Variants in NUP54 observed in about 807,000 individuals in gnomAD.
The protein encoded by NUP54 is nucleoporin p54.
NUP54 carries 27 observed loss-of-function variants against 66.4 expected under a neutral mutation model. That is an observed-to-expected ratio of 0.41 (90% CI 0.30 to 0.56). NUP54 has a LOEUF of 0.56. Ranked by LOEUF, NUP54 falls within the 20% of genes least tolerant of loss-of-function variation. The probability of loss-of-function intolerance (pLI) is 0.34; values close to 1 mark genes in which losing one functional copy is unlikely to be tolerated. For missense variants in NUP54, 486 were observed against 596.3 expected (o/e 0.82, Z 1.93); for synonymous variants, 206 against 210.7 (o/e 0.98, Z 0.19).
At chr4:76,126,921 A>G (rs1289299769) in intron 8 of NUP54, among the ~76,000 whole-genome samples, 1 of 152,184 alleles carries the variant, frequency 6.6e-6, no homozygotes, top group African/African-American at 2.4e-5. Flanking sequence ...AAAACTTTGA[A>G]AAGAAGAACC....
intron 1 of NUP54, 66 bp downstream of exon 1, chr4:76,148,242 C>A (rs1444465721): frequency 3.5e-6 from 4 of 1,130,254 alleles, no homozygotes; most frequent in Non-Finnish European, 4.6e-6. Flanking sequence ...CGGAGAGTCT[C>A]GGACAGAGGG....
At position 76,116,810 on chromosome 4, in the gene NUP54, C is replaced by T. The variant is rs113692164; in HGVS notation, c.1395+854G>A. On this transcript the variant is annotated intron_variant, in intron 11 of 11. Coordinates refer to ENST00000264883, the MANE Select transcript of NUP54 (RefSeq NM_017426.4). ...TGCATTTCTAATGACCTTCCAGGTGCGGCTACTACCTACACTTTAAGGAGC... is the reference window on the plus strand; with the variant it reads ...TGCATTTCTAATGACCTTCCAGGTGTGGCTACTACCTACACTTTAAGGAGC... Among the ~76,000 whole-genome samples the T allele has an allele frequency of 3.9e-3, 587 of 152,198 alleles. 5 individuals are homozygous for T. The highest frequency in any genetic ancestry group is 0.014 in the African/African-American group (564 of 41,526).
At chr4:76,120,444 T>TC (rs1230136789) in intron 9 of NUP54, among the ~76,000 whole-genome samples, 2 of 101,706 alleles carry the variant, frequency 2.0e-5, no homozygotes, top group African/African-American at 4.6e-5. Flanking sequence ...TTTTTTTTTT[T>TC]CCCCAGATGG....
At chr4:76,126,494 C>G (rs1406475726) in intron 8 of NUP54, among the ~76,000 whole-genome samples, 1 of 152,116 alleles carries the variant, frequency 6.6e-6, no homozygotes, top group Non-Finnish European at 1.5e-5. Flanking sequence ...ATTACAAAAC[C>G]TAGGCAATCT....
rs1730866947 is a variant in NUP54 at position 76,132,850 on chromosome 4, A to G, written c.711-131T>C. 4.3e-6 allele frequency: 3 copies of G among 704,148 alleles called. No homozygotes were observed. In the South Asian group the frequency reaches 6.4e-5, roughly 15 times the overall value. The allele number at this position is 704,148 out of a possible 1,614,324, so 43.6% of individuals were successfully genotyped here. On this transcript the variant is annotated intron_variant, in intron 5 of 11. Transcript: ENST00000264883. ...GAAATGGTTGTTTTAGGAGGCAATTAAAATGTTTCCTTTTTTTTTTTTTTT... is the reference window on the plus strand; with the variant it reads ...GAAATGGTTGTTTTAGGAGGCAATTGAAATGTTTCCTTTTTTTTTTTTTTT...
Position 76,132,553 on chromosome 4 carries a change from T to A in NUP54, c.877A>T (p.Ile293Phe), listed in dbSNP as rs767489887. The A allele has an allele frequency of 6.2e-7, 1 of 1,604,446 alleles. No individual in the cohort carries two copies. The highest frequency in any genetic ancestry group is 8.5e-7 in the Non-Finnish European group (1 of 1,175,588). Residue 293 changes from isoleucine (I) to phenylalanine (F), a missense_variant, in exon 6 of 12, where the codon ATC becomes TTC. By Grantham distance (21) the Ile-to-Phe change is conservative (BLOSUM62 0). Coordinates refer to ENST00000264883, the MANE Select transcript of NUP54 (RefSeq NM_017426.4). ...GGAGGATTCTGTAAAAGCTGTTTGA[T>A]CTGTGCAGGAGAAAGTTCTGTTCTA... ...MTRTELSPAQIKQLLQNPPAG... is the reference protein window; with the variant it reads ...MTRTELSPAQFKQLLQNPPAG...
chr4:76,120,485 A>C (rs60628055), intron 9 of NUP54, among the ~76,000 whole-genome samples: 19,410 of 143,242 alleles, frequency 0.14, 1,504 homozygotes, highest in East Asian at 0.35. Flanking sequence ...GCTGGAGTGC[A>C]GTGCCGTGAT....
chr4:76,135,283 C>G (rs1483020602), intron 4 of NUP54, among the ~76,000 whole-genome samples: 1 of 151,886 alleles, frequency 6.6e-6, no homozygotes, highest in African/African-American at 2.4e-5. Flanking sequence ...TAGATAGAAG[C>G]CTTTTATCCC....
At chr4:76,121,388 T>G (rs181963719) in intron 9 of NUP54, among the ~76,000 whole-genome samples, 2 of 152,342 alleles carry the variant, frequency 1.3e-5, no homozygotes, top group Non-Finnish European at 2.9e-5. Context: ...CTTCACTATT[T>G]CTTTTTTGTT....
At position 76,144,452 on chromosome 4, in the gene NUP54, G is replaced by A; in HGVS notation, c.89C>T (p.Thr30Ile). The A allele has an allele frequency of 6.2e-7, 1 of 1,605,480 alleles. No homozygotes were observed. Among genetic ancestry groups the A allele is most frequent in the Non-Finnish European group, 8.5e-7 (1 of 1,177,546 alleles). Residue 30 changes from threonine to isoleucine, a missense_variant, in exon 2 of 12, where the codon ACA (threonine) becomes ATA (isoleucine). Thr to Ile is a moderately conservative substitution (Grantham distance 89, BLOSUM62 -1). Transcript: ENST00000264883. ...TGCAGAACCTGCAGTTGTAGATGTT[G>A]TCCCAAATCCTCCAAACCCACCTAA... Reference protein sequence around the residue: ...APAGGFGGFGTTSTTAGSAFS... With the variant: ...APAGGFGGFGITSTTAGSAFS...
chr4:76,125,330 A>G (rs1191862299), intron 8 of NUP54, among the ~76,000 whole-genome samples: 1 of 137,176 alleles, frequency 7.3e-6, no homozygotes, highest in African/African-American at 2.6e-5. Context: ...ACACACACAC[A>G]CACACACACA....
chr4:76,125,335 C>T (rs1433653929), intron 8 of NUP54, among the ~76,000 whole-genome samples: 3 of 147,720 alleles, frequency 2.0e-5, no homozygotes, highest in East Asian at 2.3e-4. Context: ...CACACACACA[C>T]ACACACACAC....
At chr4:76,120,419 CTCTTT>C (rs1185197415) in intron 9 of NUP54, among the ~76,000 whole-genome samples, 52 of 127,750 alleles carry the variant, frequency 4.1e-4, no homozygotes, top group African/African-American at 1.3e-3. Flanking sequence ...GTAAAGGGAT[CTCTTT>C]TTTTTTTTTT....
chr4:76,145,267 A>T (rs756386136), intron 1 of NUP54, among the ~76,000 whole-genome samples: 1 of 150,362 alleles, frequency 6.7e-6, no homozygotes, highest in African/African-American at 2.5e-5. Flanking sequence ...GCAGTGAGCC[A>T]AGATCTTGCC....
At chr4:76,124,624 T>A (rs1560677654) in intron 9 of NUP54, 25 bp downstream of exon 9, 4 of 1,041,250 alleles carry the variant, frequency 3.8e-6, no homozygotes, top group Middle Eastern at 2.1e-4. Flanking sequence ...TTATAAACAC[T>A]GGGGGGGAAA....
intron 4 of NUP54, among the ~76,000 whole-genome samples, chr4:76,134,946 T>C (rs1730970203): frequency 6.6e-6 from 1 of 152,108 alleles, no homozygotes; most frequent in African/African-American, 2.4e-5. Context: ...GGCTAGGCTA[T>C]GATGCTTGGT....
chr4:76,143,024 T>G (rs1032498586), intron 3 of NUP54, among the ~76,000 whole-genome samples: 3 of 152,028 alleles, frequency 2.0e-5, no homozygotes, highest in African/African-American at 7.2e-5. Flanking sequence ...TTGTAACCCC[T>G]AATGAATTAA....
chr4:76,138,971 TC>T (rs2109899902), intron 3 of NUP54, among the ~76,000 whole-genome samples: 1 of 152,262 alleles, frequency 6.6e-6, no homozygotes, highest in Admixed American at 6.5e-5. Context: ...TTTTTTTAAA[TC>T]CTAACTCCTT....
At chr4:76,118,237 T>C (rs759552907) in intron 9 of NUP54, 43 bp from the exon 10 acceptor site, 6 of 1,579,238 alleles carry the variant, frequency 3.8e-6, no homozygotes, top group Non-Finnish European at 5.2e-6. Context: ...ATCATCTCTT[T>C]TTAGTTATGC....
Sources: gnomAD v4.1 joint callset for allele counts (sites outside exome capture counted in the v4.1 genomes callset) on GRCh38, gnomAD v4.1.1 for gene constraint, MANE v1.5 for transcripts, NCBI Gene and HGNC (gene_info 2026-07-23, HGNC 2026-07-21) for gene names.